CTNNA3: variants seen among roughly 807,000 people sequenced by gnomAD.
The protein encoded by CTNNA3 is catenin alpha-3.
Under a neutral mutation model 95.7 loss-of-function variants are expected in CTNNA3, and 76 were observed. The observed-to-expected ratio is 0.79, with a 90% CI of 0.66 to 0.96. The LOEUF is 0.96. Ranked by LOEUF, CTNNA3 falls within the 40% of genes least tolerant of loss-of-function variation. CTNNA3 has a pLI of 0.00. For synonymous variants in CTNNA3, 431 were observed against 374.4 expected (o/e 1.15, Z -1.74); for missense variants, 1,191 against 1,089.8 (o/e 1.09, Z -1.31).
chr10:66,176,155 T>TGCATGTGTGCACACACATACGTGTGC (rs2085700700), intron 13 of CTNNA3, among the ~76,000 whole-genome samples: 2 of 152,160 alleles, frequency 1.3e-5, no homozygotes, highest in Non-Finnish European at 2.9e-5. Flanking sequence ...GATGTCTGTG[T>TGCATGTGTGCACACACATACGTGTGC]GCATGTGTGC....
intron 3 of CTNNA3, among the ~76,000 whole-genome samples, chr10:67,540,914 C>T (rs3920079): frequency 0.5 from 75,691 of 151,582 alleles, 22,468 homozygotes; most frequent in East Asian, 0.82. Context: ...CCTAGTATCT[C>T]AATCAAGTCA....
In CTNNA3 at chr10:66,331,250, G is replaced by A. The variant is rs1356470018; in HGVS notation, c.1732+47902C>T. Among the ~76,000 whole-genome samples the A allele has an allele frequency of 8.0e-5, 12 of 150,054 alleles. 1 individual carries two copies. In the South Asian group the frequency reaches 2.5e-3, roughly 32 times the overall value. On this transcript the variant is annotated intron_variant, in intron 12 of 17. Coordinates refer to ENST00000433211, the MANE Select transcript of CTNNA3 (RefSeq NM_013266.4). ...GCTTGAATTAATTTGTGTATAAGGT[G>A]TAAGGAAGGGATCCAGTTTTAGCTT...
At chr10:67,220,720 A>C (rs1371504635) in intron 5 of CTNNA3, among the ~76,000 whole-genome samples, 3 of 152,174 alleles carry the variant, frequency 2.0e-5, no homozygotes, top group African/African-American at 2.4e-5. Flanking sequence ...AGGAAAGAGA[A>C]TGCCCTGTCT....
At chr10:67,718,040 T>C (rs1362584858) in intron 1 of CTNNA3, among the ~76,000 whole-genome samples, 2 of 152,220 alleles carry the variant, frequency 1.3e-5, no homozygotes, top group South Asian at 2.1e-4. Context: ...CACACATCCC[T>C]TGTAAGTTGT....
chr10:67,686,561 A>G (rs1840735542), intron 1 of CTNNA3, among the ~76,000 whole-genome samples: 1 of 152,296 alleles, frequency 6.6e-6, no homozygotes, highest in Admixed American at 6.5e-5. Context: ...TCTGATAACC[A>G]TAAACTTCCT....
intron 13 of CTNNA3, among the ~76,000 whole-genome samples, chr10:66,113,139 C>T (rs528015716): frequency 6.6e-6 from 1 of 152,224 alleles, no homozygotes; most frequent in South Asian, 2.1e-4. Context: ...CTTATCTTTT[C>T]TGTGGCTGTT....
intron 13 of CTNNA3, among the ~76,000 whole-genome samples, chr10:66,223,238 C>A (rs2089068590): frequency 6.6e-6 from 1 of 151,844 alleles, no homozygotes; most frequent in Admixed American, 6.6e-5. Context: ...CTCTACATGT[C>A]TAAAGAATAA....
chr10:66,387,959 G>C (rs959709590), intron 11 of CTNNA3, among the ~76,000 whole-genome samples: 1 of 152,018 alleles, frequency 6.6e-6, no homozygotes, highest in Non-Finnish European at 1.5e-5. Flanking sequence ...ATGGAGGGCT[G>C]GGGGAGGGAT....
intron 11 of CTNNA3, among the ~76,000 whole-genome samples, chr10:66,381,652 A>G (rs1305294656): frequency 6.6e-6 from 1 of 152,178 alleles, no homozygotes; most frequent in East Asian, 1.9e-4. Context: ...GTTATCTGAA[A>G]TTAGATAAAT....
intron 12 of CTNNA3, among the ~76,000 whole-genome samples, chr10:66,368,057 C>T (rs1364917697): frequency 6.6e-6 from 1 of 151,226 alleles, no homozygotes; most frequent in South Asian, 2.1e-4. Flanking sequence ...CATTCCATGT[C>T]GTCCTATTTC....
chr10:66,209,056 A>G (rs193090633), intron 13 of CTNNA3, among the ~76,000 whole-genome samples: 317 of 152,274 alleles, frequency 2.1e-3, no homozygotes, highest in Middle Eastern at 6.8e-3. Flanking sequence ...CATATTTTTT[A>G]AAAGTCCTCC....
At chr10:67,291,700 C>G (rs570915413) in intron 5 of CTNNA3, among the ~76,000 whole-genome samples, 1 of 152,122 alleles carries the variant, frequency 6.6e-6, no homozygotes, top group African/African-American at 2.4e-5. Flanking sequence ...CACCGCCACT[C>G]ACACACAAAA....
intron 5 of CTNNA3, among the ~76,000 whole-genome samples, chr10:67,519,516 G>C (rs1349560626): frequency 6.6e-6 from 1 of 152,154 alleles, no homozygotes; most frequent in African/African-American, 2.4e-5. Context: ...AAAACACATT[G>C]ATTTTAATTG....
At chr10:66,963,468 G>A (rs1213915327) in intron 7 of CTNNA3, among the ~76,000 whole-genome samples, 4 of 152,194 alleles carry the variant, frequency 2.6e-5, no homozygotes, top group South Asian at 2.1e-4. Flanking sequence ...TCTTGACAAC[G>A]ATTACTTTCC....
At chr10:67,231,529 G>C (rs373638796) in intron 5 of CTNNA3, among the ~76,000 whole-genome samples, 3 of 152,290 alleles carry the variant, frequency 2.0e-5, no homozygotes, top group East Asian at 1.9e-4. Context: ...ATCTGTACAT[G>C]ACCATCATCA....
chr10:66,171,166 G>C (rs1564726076), intron 13 of CTNNA3, among the ~76,000 whole-genome samples: 1 of 151,670 alleles, frequency 6.6e-6, no homozygotes, highest in Non-Finnish European at 1.5e-5. Context: ...TGACCTGAAA[G>C]AAAATAAGGA....
At chr10:67,327,111 T>C (rs1841570597) in intron 5 of CTNNA3, among the ~76,000 whole-genome samples, 2 of 152,236 alleles carry the variant, frequency 1.3e-5, no homozygotes, top group African/African-American at 4.8e-5. Context: ...CTATTTTGAC[T>C]GTCAGCTCCT....
At chr10:67,128,127 T>A (rs1859811556) in intron 7 of CTNNA3, among the ~76,000 whole-genome samples, 1 of 152,128 alleles carries the variant, frequency 6.6e-6, no homozygotes, top group African/African-American at 2.4e-5. Context: ...TTTAACCTTG[T>A]GATGGTTAAT....
At chr10:66,067,411 T>C (rs1054549105) in intron 15 of CTNNA3, among the ~76,000 whole-genome samples, 1 of 152,184 alleles carries the variant, frequency 6.6e-6, no homozygotes, top group Non-Finnish European at 1.5e-5. Flanking sequence ...CATAAGATCA[T>C]ACCTTATTTG....
Sources: allele counts gnomAD v4.1 joint callset (sites outside exome capture counted in the v4.1 genomes callset), GRCh38; gene constraint gnomAD v4.1.1; transcripts MANE v1.5; gene names NCBI Gene and HGNC (gene_info 2026-07-23, HGNC 2026-07-21).